Variants in ROBO2 observed in about 807,000 individuals in gnomAD.
The protein encoded by ROBO2 is roundabout guidance receptor 2.
In ROBO2, 53 loss-of-function variants were observed where a neutral mutation model predicts 160.8. That is an observed-to-expected ratio of 0.33 (90% CI 0.26 to 0.41). The LOEUF is 0.41. Ranked by LOEUF, ROBO2 falls within the 10% of genes least tolerant of loss-of-function variation. ROBO2 has a pLI of 1.00. For synonymous variants in ROBO2, 664 were observed against 611.7 expected (o/e 1.09, Z -1.26); for missense variants, 1,577 against 1,722.4 (o/e 0.92, Z 1.49).
intron 2 of ROBO2, among the ~76,000 whole-genome samples, chr3:76,332,948 G>C (rs181484940): frequency 6.6e-6 from 1 of 152,286 alleles, no homozygotes; most frequent in Admixed American, 6.5e-5. Flanking sequence ...TAGAGGACTT[G>C]TTAAAACAAA....
intron 2 of ROBO2, among the ~76,000 whole-genome samples, chr3:76,541,279 A>G (rs1309841814): frequency 1.3e-5 from 2 of 152,080 alleles, no homozygotes; most frequent in Admixed American, 6.6e-5. Flanking sequence ...AACATCTAAT[A>G]CTCTTTACAT....
intron 2 of ROBO2, among the ~76,000 whole-genome samples, chr3:76,277,050 T>C (rs1707966216): frequency 6.6e-6 from 1 of 152,070 alleles, no homozygotes; most frequent in Admixed American, 6.6e-5. Flanking sequence ...TTGTGTACTT[T>C]GAACAGTCAG....
intron 2 of ROBO2, among the ~76,000 whole-genome samples, chr3:77,196,355 A>T (rs1353752771): frequency 6.7e-6 from 1 of 150,044 alleles, no homozygotes; most frequent in African/African-American, 2.4e-5. Flanking sequence ...CCTGGAACTC[A>T]ATTACAAAGA....
intron 7 of ROBO2, among the ~76,000 whole-genome samples, chr3:77,548,986 C>G (rs1244000388): frequency 6.6e-6 from 1 of 151,924 alleles, no homozygotes; most frequent in East Asian, 1.9e-4. Flanking sequence ...TCAGTAGAAA[C>G]AGTTAAAAGC....
chr3:76,191,550 T>G (rs1702005023), intron 2 of ROBO2, among the ~76,000 whole-genome samples: 2 of 152,100 alleles, frequency 1.3e-5, no homozygotes, highest in Non-Finnish European at 1.5e-5. Context: ...TATTTAATAA[T>G]TCTCAGTATA....
chr3:76,194,350 G>GTGTATATATATATATA (rs759087780), intron 2 of ROBO2, among the ~76,000 whole-genome samples: 16 of 42,038 alleles, frequency 3.8e-4, no homozygotes, highest in Non-Finnish European at 9.2e-4. Context: ...TGTATGGTGT[G>GTGTATATATATATATA]TAAATATATA....
intron 2 of ROBO2, among the ~76,000 whole-genome samples, chr3:77,398,883 C>T (rs967787221): frequency 6.6e-6 from 1 of 152,120 alleles, no homozygotes; most frequent in Non-Finnish European, 1.5e-5. Flanking sequence ...CCATGCCTGA[C>T]CATTACTAGC....
chr3:77,356,553 G>A (rs2069159611), intron 2 of ROBO2, among the ~76,000 whole-genome samples: 1 of 152,132 alleles, frequency 6.6e-6, no homozygotes, highest in Non-Finnish European at 1.5e-5. Flanking sequence ...CATGACTGAG[G>A]CCTCTATAAC....
At chr3:76,971,850 T>C (rs2059587652) in intron 2 of ROBO2, among the ~76,000 whole-genome samples, 2 of 152,184 alleles carry the variant, frequency 1.3e-5, no homozygotes, top group Admixed American at 1.3e-4. Flanking sequence ...CATTGCTAAG[T>C]CAGGAAGTGT....
intron 2 of ROBO2, among the ~76,000 whole-genome samples, chr3:76,264,432 T>C (rs1706970189): frequency 6.6e-6 from 1 of 151,998 alleles, no homozygotes; most frequent in Non-Finnish European, 1.5e-5. Context: ...TACTTTATAG[T>C]ACATTTTCTT....
chr3:77,003,706 C>T (rs1382466809), intron 2 of ROBO2, among the ~76,000 whole-genome samples: 2 of 152,180 alleles, frequency 1.3e-5, no homozygotes, highest in East Asian at 3.9e-4. Flanking sequence ...CCTGCCACCA[C>T]ACCCGGCTAA....
At chr3:76,515,702 G>T (rs2081316806) in intron 2 of ROBO2, among the ~76,000 whole-genome samples, 1 of 152,074 alleles carries the variant, frequency 6.6e-6, no homozygotes, top group Non-Finnish European at 1.5e-5. Flanking sequence ...TAATACAGTG[G>T]GAGAGGAACA....
At chr3:76,498,917 G>T (rs2080309493) in intron 2 of ROBO2, among the ~76,000 whole-genome samples, 1 of 152,076 alleles carries the variant, frequency 6.6e-6, no homozygotes, top group Admixed American at 6.6e-5. Flanking sequence ...TTGAACTCCT[G>T]ACCTCATGAT....
In ROBO2 at chr3:77,317,451, T is replaced by C. The variant is rs530332501; in HGVS notation, c.389-159963T>C. The C allele has an allele frequency of 6.6e-6, 10 of 1,515,240 alleles. No homozygotes were observed. In the South Asian group the frequency reaches 1.0e-4, roughly 15 times the overall value. The allele number at this position is 1,515,240 out of a possible 1,614,324, so 93.9% of individuals were successfully genotyped here. A position where few individuals can be genotyped will look rare whatever the true frequency, so the allele number is the denominator to read the frequency against. On this transcript the variant is annotated intron_variant, in intron 2 of 25. Transcript: ENST00000461745. Reference sequence around the variant, plus strand: ...CCTGGTTTCCAGACTGCCCGTCACTTTGGTGGTCTCAGTGTTGGCTGAGCC... The same window carrying C: ...CCTGGTTTCCAGACTGCCCGTCACTCTGGTGGTCTCAGTGTTGGCTGAGCC...
intron 2 of ROBO2, among the ~76,000 whole-genome samples, chr3:77,167,449 A>G (rs2079199347): frequency 6.6e-6 from 1 of 152,148 alleles, no homozygotes; most frequent in African/African-American, 2.4e-5. Flanking sequence ...ACTGCTAGGT[A>G]TACTCTCTTT....
At chr3:76,969,048 AC>A (rs1184626969) in intron 2 of ROBO2, among the ~76,000 whole-genome samples, 1 of 152,186 alleles carries the variant, frequency 6.6e-6, no homozygotes, top group Non-Finnish European at 1.5e-5. Flanking sequence ...TTGGAAACAT[AC>A]GTTTATTAAA....
chr3:77,350,049 CT>C (rs1273134035), intron 2 of ROBO2, among the ~76,000 whole-genome samples: 2 of 150,906 alleles, frequency 1.3e-5, no homozygotes, highest in Non-Finnish European at 2.9e-5. Context: ...CTGTACGTCC[CT>C]GCGATTGGTA....
chr3:76,083,612 T>C (rs2068910613), intron 2 of ROBO2, among the ~76,000 whole-genome samples: 1 of 152,070 alleles, frequency 6.6e-6, no homozygotes, highest in South Asian at 2.1e-4. Context: ...AACATCTGAG[T>C]TTAGATTCAT....
At chr3:76,964,642 T>G (rs2149252834) in intron 2 of ROBO2, among the ~76,000 whole-genome samples, 1 of 152,344 alleles carries the variant, frequency 6.6e-6, no homozygotes. Context: ...GCCTAAGTTG[T>G]TAGCGAAGTA....
Sources: allele counts gnomAD v4.1 joint callset (sites outside exome capture counted in the v4.1 genomes callset), GRCh38; gene constraint gnomAD v4.1.1; transcripts MANE v1.5; gene names NCBI Gene and HGNC (gene_info 2026-07-23, HGNC 2026-07-21).